FRY: variants seen among roughly 807,000 people sequenced by gnomAD.
The protein encoded by FRY is protein furry homolog.
A neutral mutation model predicts 348.4 loss-of-function variants in FRY; 128 were observed. The ratio of observed to expected loss-of-function variants is 0.37; its 90% confidence interval spans 0.32 to 0.43. FRY has a LOEUF of 0.43. FRY is among the 20% of genes least tolerant of loss of function. The pLI is 1.00. For synonymous variants in FRY, 1,370 were observed against 1,374.7 expected, an observed-to-expected ratio of 1.00 and a Z score of 0.08; for missense variants, 2,736 against 3,695.2, an observed-to-expected ratio of 0.74 and a Z score of 6.73.
chr13:32,076,029 A>T (rs144305633), intron 1 of FRY, among the ~76,000 whole-genome samples: 1 of 152,234 alleles, frequency 6.6e-6, no homozygotes, highest in Non-Finnish European at 1.5e-5. Context: ...ATTTTTTATG[A>T]TAGCAGTGAA....
At chr13:32,225,658 C>A in intron 38 of FRY, 131 bp from the exon 39 acceptor site, 1 of 816,172 alleles carries the variant, frequency 1.2e-6, no homozygotes, top group Non-Finnish European at 2.1e-6. Flanking sequence ...TGTTGGTAAC[C>A]CAAACAATAA....
At chr13:32,234,119 CAAAAAAA>C (rs11322238) in intron 41 of FRY, among the ~76,000 whole-genome samples, 2 of 76,200 alleles carry the variant, frequency 2.6e-5, no homozygotes, top group African/African-American at 1.1e-4. Flanking sequence ...ACCCTGTTTC[CAAAAAAA>C]AAAAAAAAAA....
chr13:32,232,962 T>C (rs1048129899), intron 41 of FRY, among the ~76,000 whole-genome samples: 1 of 151,976 alleles, frequency 6.6e-6, no homozygotes, highest in Non-Finnish European at 1.5e-5. Flanking sequence ...TCTCCACACA[T>C]AAAATCACAA....
intron 47 of FRY, among the ~76,000 whole-genome samples, chr13:32,246,591 T>A (rs1886815996): frequency 6.6e-6 from 1 of 151,760 alleles, no homozygotes; most frequent in Non-Finnish European, 1.5e-5. Context: ...CCAGAGGGAG[T>A]CTGTGAAGGA....
intron 2 of FRY, among the ~76,000 whole-genome samples, chr13:32,098,140 T>C (rs1479263877): frequency 6.6e-6 from 1 of 152,030 alleles, no homozygotes; most frequent in Non-Finnish European, 1.5e-5. Flanking sequence ...TTCCAACTAC[T>C]CTGTCTCCAT....
chr13:32,201,418 T>C (rs1884024902), intron 29 of FRY, among the ~76,000 whole-genome samples: 1 of 152,202 alleles, frequency 6.6e-6, no homozygotes, highest in Admixed American at 6.5e-5. Flanking sequence ...GTACAGGTTG[T>C]CTCCATGACT....
chr13:32,291,897 T>C (rs1291337377), intron 59 of FRY: 1 of 399,514 alleles, frequency 2.5e-6, no homozygotes, highest in Non-Finnish European at 5.1e-6. Context: ...AAGATGTGAC[T>C]GAATTGCTGC....
At chr13:32,103,255 A>G (rs191716500) in intron 3 of FRY, among the ~76,000 whole-genome samples, 34 of 152,336 alleles carry the variant, frequency 2.2e-4, no homozygotes, top group African/African-American at 7.7e-4. Flanking sequence ...CTTTTGTCAC[A>G]TTGTCCATTG....
chr13:32,276,918 G>T (rs1278941760), intron 57 of FRY, among the ~76,000 whole-genome samples: 14 of 151,974 alleles, frequency 9.2e-5, no homozygotes, highest in Non-Finnish European at 1.5e-5. Context: ...ACTAGTTGTG[G>T]CAGATCTCCT....
At chr13:32,064,146 A>G (rs566742663) in intron 1 of FRY, among the ~76,000 whole-genome samples, 89 of 152,174 alleles carry the variant, frequency 5.8e-4, no homozygotes, top group Non-Finnish European at 9.3e-4. Flanking sequence ...GGATGACAGT[A>G]AAGATGATAC....
intron 2 of FRY, among the ~76,000 whole-genome samples, chr13:32,098,357 A>G (rs1052041471): frequency 2.6e-5 from 4 of 152,092 alleles, no homozygotes; most frequent in African/African-American, 9.7e-5. Flanking sequence ...CAGGCGAGCC[A>G]TGCTCTGTCC....
At chr13:32,290,849 G>C (rs1430227192) in intron 59 of FRY, among the ~76,000 whole-genome samples, 2 of 151,912 alleles carry the variant, frequency 1.3e-5, no homozygotes, top group African/African-American at 4.8e-5. Flanking sequence ...GAGTTGAGGA[G>C]AGGATGAGAC....
intron 49 of FRY, among the ~76,000 whole-genome samples, chr13:32,250,512 G>T (rs1887020493): frequency 6.6e-6 from 1 of 152,180 alleles, no homozygotes; most frequent in Non-Finnish European, 1.5e-5. Context: ...GATGACCTCT[G>T]GCAGCTCCAG....
chr13:32,203,827 A>G (rs1463101306), intron 31 of FRY, among the ~76,000 whole-genome samples: 1 of 152,074 alleles, frequency 6.6e-6, no homozygotes, highest in East Asian at 1.9e-4. Context: ...TTCCATCTCT[A>G]TCACCACCTC....
intron 2 of FRY, among the ~76,000 whole-genome samples, chr13:32,093,543 TTAGA>T (rs1455529691): frequency 1.3e-5 from 2 of 152,240 alleles, no homozygotes; most frequent in African/African-American, 4.8e-5. Flanking sequence ...AAATTGGAAA[TTAGA>T]TAGAAAGGCC....
At chr13:32,262,571 A>G (rs897412186) in intron 53 of FRY, 96 bp downstream of exon 53, 6 of 882,594 alleles carry the variant, frequency 6.8e-6, no homozygotes, top group Non-Finnish European at 1.1e-5. Context: ...GGTCTCAAGT[A>G]GAAAGACTAT....
At chr13:32,207,246 G>C (rs1884406639) in intron 31 of FRY, among the ~76,000 whole-genome samples, 1 of 151,990 alleles carries the variant, frequency 6.6e-6, no homozygotes, top group South Asian at 2.1e-4. Context: ...TTGTTTTTGG[G>C]ATTTTTTCCC....
chr13:32,152,087 A>G (rs1369986237), intron 14 of FRY, among the ~76,000 whole-genome samples: 1 of 152,240 alleles, frequency 6.6e-6, no homozygotes, highest in Non-Finnish European at 1.5e-5. Context: ...AAATTACTAA[A>G]TCCTGAGAGA....
In FRY at chr13:32,042,547, T is replaced by A. The variant is rs188869127; in HGVS notation, c.70+10682T>A. Among the ~76,000 whole-genome samples the A allele has an allele frequency of 8.5e-5, 12 of 141,850 alleles. No homozygotes were observed. In the East Asian group the frequency reaches 2.3e-3, roughly 28 times the overall value. 93.1% of individuals were successfully genotyped at this position (141,850 alleles called of 152,430 possible). On this transcript the variant is annotated intron_variant, in intron 1 of 60. Coordinates refer to ENST00000542859, the MANE Select transcript of FRY (RefSeq NM_023037.3). ...CAACCCACAGCCTGGAGATGGGAGGTTCCAGGTGGGCTTAGAAGCTCAAAG... is the reference window on the plus strand; with the variant it reads ...CAACCCACAGCCTGGAGATGGGAGGATCCAGGTGGGCTTAGAAGCTCAAAG...
Sources: gnomAD v4.1 joint callset for allele counts (sites outside exome capture counted in the v4.1 genomes callset) on GRCh38, gnomAD v4.1.1 for gene constraint, MANE v1.5 for transcripts, NCBI Gene and HGNC (gene_info 2026-07-23, HGNC 2026-07-21) for gene names.